PCDHA2: variants seen among roughly 807,000 people sequenced by gnomAD.
PCDHA2 encodes the protein protocadherin alpha 2, also known as protocadherin alpha-2.
A neutral mutation model predicts 66.0 loss-of-function variants in PCDHA2; 58 were observed. That is an observed-to-expected ratio of 0.88 (90% confidence interval 0.71 to 1.09). The LOEUF is 1.09. Among genes scored for constraint, PCDHA2 ranks in the 50% least tolerant of loss-of-function variants. The pLI, the probability that PCDHA2 is intolerant of heterozygous loss-of-function variation, is 0.00. For missense variants in PCDHA2, 1,267 were observed against 1,242.3 expected, an observed-to-expected ratio of 1.02 and a Z score of -0.30; for synonymous variants, 634 against 554.0, an observed-to-expected ratio of 1.14 and a Z score of -2.03.
intron 1 of PCDHA2, among the ~76,000 whole-genome samples, chr5:140,800,828 A>C (rs1226528161): frequency 6.6e-6 from 1 of 152,238 alleles, no homozygotes; most frequent in East Asian, 1.9e-4. Flanking sequence ...ATGAATTAGC[A>C]CAATTGATAG....
At chr5:140,840,108 A>T (rs2150169191) in intron 1 of PCDHA2, among the ~76,000 whole-genome samples, 1 of 152,186 alleles carries the variant, frequency 6.6e-6, no homozygotes, top group Admixed American at 6.5e-5. Flanking sequence ...AGTGAAATCG[A>T]GTGAAAGCTG....
intron 1 of PCDHA2, chr5:140,929,554 C>A (rs899446101): frequency 6.1e-6 from 3 of 488,410 alleles, no homozygotes; most frequent in African/African-American, 4.0e-5. Flanking sequence ...AAAATTAAAA[C>A]CTATTTAAGA....
intron 1 of PCDHA2, among the ~76,000 whole-genome samples, chr5:140,799,865 G>T (rs987718549): frequency 2.4e-4 from 37 of 152,010 alleles, no homozygotes; most frequent in African/African-American, 8.4e-4. Flanking sequence ...CTCTAAATTT[G>T]ACCTCTTTCC....
chr5:140,804,407 T>C (rs1554123071), intron 1 of PCDHA2: 1 of 152,034 alleles, frequency 6.6e-6, no homozygotes, highest in Non-Finnish European at 1.5e-5. Context: ...AGTTGTATAG[T>C]ATATTTATAT....
chr5:140,873,286 A>C (rs1337353218), intron 1 of PCDHA2, among the ~76,000 whole-genome samples: 3 of 152,246 alleles, frequency 2.0e-5, no homozygotes, highest in African/African-American at 7.2e-5. Flanking sequence ...ACCACTTATG[A>C]AACTTTATAA....
rs566250084 is a variant in PCDHA2 at position 140,877,055 on chromosome 5, T to G, written c.2388+79703T>G. The G allele has an allele frequency of 2.5e-6, 4 of 1,612,792 alleles. No homozygotes were observed. In the East Asian group the frequency reaches 8.9e-5, roughly 36 times the overall value. On this transcript the variant is annotated intron_variant, in intron 1 of 3. Coordinates refer to ENST00000526136, the MANE Select transcript of PCDHA2 (RefSeq NM_018905.3). ...CTGCAGCCGCTAGACCACGAGGAGC[T>G]GGAGCTGCTGCAGTTCCAGGTGAGC...
intron 1 of PCDHA2, chr5:140,836,768 A>AT: frequency 5.1e-6 from 8 of 1,555,112 alleles, no homozygotes; most frequent in Non-Finnish European, 7.0e-6. Context: ...GTTTCCAACA[A>AT]TTTTAAAACA....
At chr5:140,821,026 A>C (rs2150108488) in intron 1 of PCDHA2, among the ~76,000 whole-genome samples, 88,279 of 151,604 alleles carry the variant, frequency 0.58, 26,451 homozygotes, top group African/African-American at 0.72. Flanking sequence ...GAAAATTAGA[A>C]CTCCGAGAAG....
At chr5:140,856,295 T>C (rs782325790) in intron 1 of PCDHA2, 3 of 1,598,412 alleles carry the variant, frequency 1.9e-6, no homozygotes, top group Admixed American at 1.7e-5. Context: ...GAATGGCATT[T>C]TGTTTGTGAA....
intron 1 of PCDHA2, chr5:140,926,257 C>CT (rs1336723706): frequency 4.6e-5 from 7 of 152,300 alleles, no homozygotes; most frequent in African/African-American, 1.7e-4. Flanking sequence ...ACCGTCCCGC[C>CT]TCTCGCCGCC....
At chr5:140,962,318 A>G (rs2095672102) in intron 1 of PCDHA2, among the ~76,000 whole-genome samples, 1 of 152,338 alleles carries the variant, frequency 6.6e-6, no homozygotes, top group South Asian at 2.1e-4. Context: ...GGCCATCTCA[A>G]TTGAGAATAC....
At chr5:140,889,027 C>A (rs1004891593) in intron 1 of PCDHA2, among the ~76,000 whole-genome samples, 5 of 151,910 alleles carry the variant, frequency 3.3e-5, no homozygotes, top group African/African-American at 1.2e-4. Context: ...CCTTGGATAA[C>A]CGTAATTTGA....
In PCDHA2 at chr5:140,808,475, G is replaced by A. The variant is rs1359220357; in HGVS notation, c.2388+11123G>A. The A allele has an allele frequency of 2.5e-6, 4 of 1,614,172 alleles. No homozygotes were observed. The highest frequency in any genetic ancestry group is 4.5e-5 in the East Asian group (2 of 44,874). ...TGAGCTGGTGGTGACCGCGCGAGAC[G>A]GGGGCTCGCCTTCGCTGTGGGCCAC... On this transcript the variant is annotated intron_variant, in intron 1 of 3. Transcript: ENST00000526136.
chr5:140,847,700 CAG>C (rs1424975763), intron 1 of PCDHA2: 1 of 149,786 alleles, frequency 6.7e-6, no homozygotes, highest in Non-Finnish European at 1.5e-5. Context: ...TTTCTGGAAA[CAG>C]ATTGTATAAA....
At chr5:140,819,848 T>C (rs1554127755) in intron 1 of PCDHA2, among the ~76,000 whole-genome samples, 2 of 152,086 alleles carry the variant, frequency 1.3e-5, no homozygotes, top group African/African-American at 2.4e-5. Context: ...TTTTTCTCCA[T>C]TGAGTATATC....
intron 1 of PCDHA2, chr5:140,858,397 CG>C (rs1314612729): frequency 2.5e-6 from 4 of 1,573,068 alleles, no homozygotes; most frequent in African/African-American, 2.7e-5. Context: ...TAGATGTGGA[CG>C]GGGAAGATCA....
At chr5:140,921,285 T>G (rs1275527554) in intron 1 of PCDHA2, among the ~76,000 whole-genome samples, 1 of 152,180 alleles carries the variant, frequency 6.6e-6, no homozygotes. Context: ...GAAAAAAACC[T>G]CAAATTTGCT....
Position 140,853,024 on chromosome 5 carries a change from G to A in PCDHA2, c.2388+55672G>A, listed in dbSNP as rs2150527319. On this transcript the variant is annotated intron_variant, in intron 1 of 3. Coordinates refer to ENST00000526136, the MANE Select transcript of PCDHA2 (RefSeq NM_018905.3). ...CTCCCGAGTAGCTGGGACTACAGGC[G>A]CCTGCCACCATGCCCGCCTAATTTT... 4.2e-5 allele frequency: 11 copies of A among 260,054 alleles called. 1 individual carries two copies. The highest frequency in any genetic ancestry group is 2.6e-4 in the African/African-American group (11 of 42,566). 16.1% of individuals were successfully genotyped at this position (260,054 alleles called of 1,614,324 possible).
chr5:140,999,403 A>G (rs1325467300), intron 3 of PCDHA2, among the ~76,000 whole-genome samples: 7 of 152,176 alleles, frequency 4.6e-5, no homozygotes, highest in African/African-American at 1.7e-4. Context: ...TTTGCATATG[A>G]AAGAATGGGA....
Sources: allele counts gnomAD v4.1 joint callset (sites outside exome capture counted in the v4.1 genomes callset), GRCh38; gene constraint gnomAD v4.1.1; transcripts MANE v1.5; gene names NCBI Gene and HGNC (gene_info 2026-07-23, HGNC 2026-07-21).